EZH1: variants seen among roughly 807,000 people sequenced by gnomAD.
EZH1 encodes the protein enhancer of zeste 1 polycomb repressive complex 2 subunit.
In EZH1, 33 loss-of-function variants were observed where a neutral mutation model predicts 100.5. That is an observed-to-expected ratio of 0.33 (90% CI 0.25 to 0.44). The LOEUF is 0.44. Ranked by LOEUF, EZH1 falls within the 20% of genes least tolerant of loss-of-function variation. The pLI, the probability that EZH1 is intolerant of heterozygous loss-of-function variation, is 1.00. For missense variants in EZH1, 475 were observed against 928.4 expected, an observed-to-expected ratio of 0.51 and a Z score of 6.35; for synonymous variants, 272 against 313.8, an observed-to-expected ratio of 0.87 and a Z score of 1.41.
Position 42,708,075 on chromosome 17 carries a change from AAG to A in EZH1, c.1541_1542del (p.Ser514PhefsTer18). 1 of 1,605,866 alleles carries A rather than the reference AAG, an allele frequency of 6.2e-7. No individual in the cohort carries two copies. Among genetic ancestry groups the A allele is most frequent in the Non-Finnish European group, 8.5e-7 (1 of 1,176,552 alleles). ...GGTTGGTAGTTGTACACTTGTGTGG[AAG>A]AGTTATCTAGGAAAGAAAACAGAGG... ...CRKIQLKKDN[S>X]STQVYNYQPC... On this transcript the variant is annotated frameshift_variant, in exon 15 of 21. Coordinates refer to ENST00000428826, the MANE Select transcript of EZH1 (RefSeq NM_001991.5). LOFTEE classifies it high-confidence loss of function.
Position 42,718,191 on chromosome 17 carries a change from G to T in EZH1, c.932-124C>A. 1 of 935,152 alleles carries T rather than the reference G, an allele frequency of 1.1e-6. No homozygotes were observed. The highest frequency in any genetic ancestry group is 1.6e-6 in the Non-Finnish European group (1 of 616,908). 57.9% of individuals were successfully genotyped at this position (935,152 alleles called of 1,614,324 possible). ...CGATATAAACGGCTACCATCAGGGT[G>T]CACAAAATTCAGTCATTTCTGACAT... On this transcript the variant is annotated intron_variant, in intron 9 of 20. Coordinates refer to ENST00000428826, the MANE Select transcript of EZH1 (RefSeq NM_001991.5). The surrounding 1 kb of genome is among the most constrained non-coding windows in gnomAD (Gnocchi z 4.2).
chr17:42,737,056 G>A (rs2054079736), intron 1 of EZH1, among the ~76,000 whole-genome samples: 1 of 148,950 alleles, frequency 6.7e-6, no homozygotes. Context: ...TGCAATCTCG[G>A]CTCACTGCAA....
Position 42,706,043 on chromosome 17 carries a change from G to A in EZH1, c.1803C>T (p.Ser601=). 1 of 1,613,872 alleles carries A rather than the reference G, an allele frequency of 6.2e-7. No individual in the cohort carries two copies. Among genetic ancestry groups the A allele is most frequent in the Non-Finnish European group, 8.5e-7 (1 of 1,179,918 alleles). ...ASEHWDCKVV[S]CKNCSIQRGL... ...CACGCTGGATGCTGCAGTTTTTACA[G>A]GAAACCACCTTGCAGTCCCAGTGCT... The change falls in exon 16 of 21, where the codon TCC becomes TCT. Residue 601 remains serine, a synonymous_variant. Transcript: ENST00000428826. This position sits in a 1 kb window ranked among gnomAD's most constrained non-coding sequence, Gnocchi z 4.4.
chr17:42,713,058 A>AT, intron 11 of EZH1, 151 bp downstream of exon 11: 2 of 687,576 alleles, frequency 2.9e-6, no homozygotes, highest in Non-Finnish European at 4.5e-6. Flanking sequence ...AAAAAAAAAA[A>AT]GAAAATATTC....
At chr17:42,714,456 G>C (rs561989904) in intron 10 of EZH1, 1 of 311,040 alleles carries the variant, frequency 3.2e-6, no homozygotes, top group Non-Finnish European at 6.5e-6. Context: ...AGCAGACTTC[G>C]GGGGGTTTGT....
intron 3 of EZH1, among the ~76,000 whole-genome samples, chr17:42,728,025 C>T (rs1252715230): frequency 2.0e-5 from 3 of 151,258 alleles, no homozygotes; most frequent in Non-Finnish European, 4.4e-5. Flanking sequence ...CTATGTTGGC[C>T]AGGCTGGTTT....
At chr17:42,704,963 G>C in intron 17 of EZH1, 125 bp downstream of exon 17, 2 of 825,484 alleles carry the variant, frequency 2.4e-6, no homozygotes, top group Non-Finnish European at 3.9e-6. Flanking sequence ...ATCTCCCCAA[G>C]AGGCCACGTG....
At chr17:42,734,094 C>G (rs572427767) in intron 1 of EZH1, among the ~76,000 whole-genome samples, 1 of 150,290 alleles carries the variant, frequency 6.7e-6, no homozygotes, top group African/African-American at 2.5e-5. Flanking sequence ...GTCACCCAAG[C>G]TGGAGTGTAG....
chr17:42,712,373 T>C lies in EZH1; in HGVS notation c.1317A>G (p.Glu439=). 1.2e-6 allele frequency: 2 copies of C among 1,614,140 alleles called. No homozygotes were observed. Among genetic ancestry groups the C allele is most frequent in the Non-Finnish European group, 8.5e-7 (1 of 1,180,040 alleles). ...TGCCATGGAAGACTCGAAAAAGAGA[T>C]TCTTCAGCCCCAGTCCATTCCACAG... The part of the protein sequence containing the change: ...SEPVEWTGAE[E]SLFRVFHGTY... Residue 439 remains glutamate (E), a synonymous_variant, in exon 12 of 21, where the codon GAA becomes GAG. Coordinates refer to ENST00000428826, the MANE Select transcript of EZH1 (RefSeq NM_001991.5).
chr17:42,738,288 C>T (rs942587660), intron 1 of EZH1, among the ~76,000 whole-genome samples: 8 of 151,752 alleles, frequency 5.3e-5, no homozygotes, highest in African/African-American at 1.9e-4. Context: ...TAAGGTGTCC[C>T]TTTGCAGAAA....
intron 4 of EZH1, among the ~76,000 whole-genome samples, chr17:42,725,691 A>G (rs1258193522): frequency 6.6e-6 from 1 of 152,212 alleles, no homozygotes; most frequent in Admixed American, 6.5e-5. Context: ...CCTGGGTTAT[A>G]CACAACAGTA....
rs755471626 is a variant in EZH1, at chr17:42,712,308, C to T, written c.1382G>A (p.Gly461Glu). The T allele has an allele frequency of 1.9e-6, 3 of 1,613,792 alleles. No individual in the cohort carries two copies. The highest frequency in any genetic ancestry group is 1.7e-6 in the Non-Finnish European group (2 of 1,179,986). ...TGGTACCTGCTTGCACGTCTTGGTC[C>T]CCAGAAGCCTGGCTATTGAACAGAA... ...NNFCSIARLLGTKTCKQVFQF... is the reference protein window; with the variant it reads ...NNFCSIARLLETKTCKQVFQF... Residue 461 changes from glycine to glutamate, a missense_variant, in exon 12 of 21, where the codon GGG becomes GAG. This residue lies in a region of EZH1 where 83 missense variants were observed against 142.1 expected (regional missense o/e 0.58). Transcript: ENST00000428826.
At chr17:42,713,449 T>C (rs1203340243) in intron 10 of EZH1, 60 bp from the exon 11 acceptor site, 2 of 1,462,198 alleles carry the variant, frequency 1.4e-6, no homozygotes, top group African/African-American at 1.4e-5. Context: ...ATTGATCTCA[T>C]CATCACAAAC....
At chr17:42,704,994 A>C in intron 17 of EZH1, 94 bp downstream of exon 17, 13 of 1,082,568 alleles carry the variant, frequency 1.2e-5, no homozygotes, top group Non-Finnish European at 1.7e-5. Context: ...TGAGTTATTT[A>C]GAGATTAATT....
At chr17:42,714,018 T>C (rs2053542060) in intron 10 of EZH1, among the ~76,000 whole-genome samples, 1 of 152,222 alleles carries the variant, frequency 6.6e-6, no homozygotes, top group Admixed American at 6.5e-5. Context: ...ACTTTCTCTG[T>C]TTCCTTAATA....
Position 42,718,642 on chromosome 17 carries a change from G to T in EZH1, c.768-25C>A. ...CCTATTTAAGAAAAGAGAGATAAGA[G>T]TTCCTCCGAGGAACTGCCTCCACTG... On this transcript the variant is annotated intron_variant, in intron 8 of 20. Coordinates refer to ENST00000428826, the MANE Select transcript of EZH1 (RefSeq NM_001991.5). This position sits in a 1 kb window ranked among gnomAD's most constrained non-coding sequence, Gnocchi z 4.2. 1 of 1,612,886 alleles carries T rather than the reference G, an allele frequency of 6.2e-7. No individual in the cohort carries two copies. The highest frequency in any genetic ancestry group is 8.5e-7 in the Non-Finnish European group (1 of 1,179,190).
At chr17:42,737,581 G>A (rs1362373688) in intron 1 of EZH1, among the ~76,000 whole-genome samples, 2 of 152,184 alleles carry the variant, frequency 1.3e-5, no homozygotes, top group East Asian at 3.8e-4. Context: ...ACTCCAGCCT[G>A]GGTGACAGAG....
At chr17:42,743,430 CA>C (rs1373002489) in intron 1 of EZH1, among the ~76,000 whole-genome samples, 1 of 151,478 alleles carries the variant, frequency 6.6e-6, no homozygotes, top group Non-Finnish European at 1.5e-5. Flanking sequence ...CTCAGCCTCC[CA>C]AAGTGTTGGG....
At chr17:42,715,691 C>A (rs2053588510) in intron 10 of EZH1, among the ~76,000 whole-genome samples, 1 of 152,052 alleles carries the variant, frequency 6.6e-6, no homozygotes, top group South Asian at 2.1e-4. Flanking sequence ...TACAAGACAA[C>A]CAGCCTGGAA....
Sources: allele counts gnomAD v4.1 joint callset (sites outside exome capture counted in the v4.1 genomes callset), GRCh38; gene constraint gnomAD v4.1.1; regional missense constraint gnomAD v4.1.1; non-coding constraint Gnocchi (gnomAD v3.1); transcripts MANE v1.5; gene names NCBI Gene and HGNC (gene_info 2026-07-23, HGNC 2026-07-21).